The following NCOR1 variants were observed in gnomAD, a reference collection of about 807,000 sequenced individuals.
NCOR1 encodes the protein nuclear receptor corepressor 1, also known as protein phosphatase 1, regulatory subunit 109.
NCOR1 carries 63 observed loss-of-function variants against 288.1 expected under a neutral mutation model. That is an observed-to-expected ratio of 0.22 (90% confidence interval 0.18 to 0.27). NCOR1 has a LOEUF of 0.27. NCOR1 is among the 10% of genes least tolerant of loss of function. The pLI is 1.00. For missense variants in NCOR1, 2,397 were observed against 3,019.2 expected, an observed-to-expected ratio of 0.79 and a Z score of 4.83; for synonymous variants, 1,007 against 1,065.9, an observed-to-expected ratio of 0.94 and a Z score of 1.08.
rs1321081149 is a variant in NCOR1 at position 16,098,298 on chromosome 17, C to T, written c.2820+69G>A. On this transcript the variant is annotated intron_variant, in intron 21 of 45. Coordinates refer to ENST00000268712, the MANE Select transcript of NCOR1 (RefSeq NM_006311.4). ...TTTTAATCAAGAACCAATTAAAGAACAGAAGAAATATGTCTATAAAGGTCT... is the reference window on the plus strand; with the variant it reads ...TTTTAATCAAGAACCAATTAAAGAATAGAAGAAATATGTCTATAAAGGTCT... 7 of 1,470,704 alleles carry T rather than the reference C, an allele frequency of 4.8e-6. No individual in the cohort carries two copies. In the East Asian group the frequency reaches 1.6e-4, roughly 33 times the overall value. 91.1% of individuals were successfully genotyped at this position (1,470,704 alleles called of 1,614,324 possible).
chr17:16,179,567 T>C (rs537896708), intron 3 of NCOR1, among the ~76,000 whole-genome samples: 1 of 152,264 alleles, frequency 6.6e-6, no homozygotes, highest in East Asian at 1.9e-4. Context: ...CAACTCCTCC[T>C]AAACTCTTCC....
In NCOR1 at chr17:16,203,521, G is replaced by A. The variant is rs796573671; in HGVS notation, c.-70-8882C>T. On this transcript the variant is annotated intron_variant, in intron 1 of 45. Transcript: ENST00000268712. ...ATCTCAGAAGAGTCTTTCTAACCAC[G>A]CTACATATAAGGTAAGCTCCCACAA... is the stretch of plus-strand genomic sequence containing the variant. Among the ~76,000 whole-genome samples, 6 of 152,164 alleles carry A rather than the reference G, an allele frequency of 3.9e-5. No homozygotes were observed. In the South Asian group the frequency reaches 6.2e-4, roughly 16 times the overall value.
intron 9 of NCOR1, 55 bp from the exon 10 acceptor site, chr17:16,146,603 A>G: frequency 7.0e-7 from 1 of 1,426,768 alleles, no homozygotes; most frequent in Non-Finnish European, 9.4e-7. Context: ...TGATTCTGAC[A>G]AACCTAATAC....
chr17:16,049,970 AG>A (rs1205327978), intron 40 of NCOR1, among the ~76,000 whole-genome samples: 1 of 152,182 alleles, frequency 6.6e-6, no homozygotes, highest in Non-Finnish European at 1.5e-5. Context: ...AGCTCACTGC[AG>A]CCTCAAACTC....
intron 18 of NCOR1, among the ~76,000 whole-genome samples, chr17:16,113,574 C>A (rs1422891098): frequency 1.3e-5 from 2 of 152,020 alleles, no homozygotes; most frequent in African/African-American, 4.8e-5. Flanking sequence ...TATACCATAT[C>A]AAGGAACCCT....
At chr17:16,073,309 TAATATA>T (rs2061985843) in intron 28 of NCOR1, 114 bp downstream of exon 28, 2 of 901,858 alleles carry the variant, frequency 2.2e-6, no homozygotes, top group Non-Finnish European at 3.2e-6. Context: ...GCATACAACT[TAATATA>T]AATATACATT....
Position 16,075,515 on chromosome 17 carries a change from GCATACATACAATACTTACT to G in NCOR1, c.3670_3670+18del. 1 of 1,610,808 alleles carries G rather than the reference GCATACATACAATACTTACT, an allele frequency of 6.2e-7. No individual in the cohort carries two copies. The highest frequency in any genetic ancestry group is 8.5e-7 in the Non-Finnish European group (1 of 1,177,546). On this transcript the variant is annotated splice_donor_variant and splice_donor_5th_base_variant and coding_sequence_variant and intron_variant, in exon 27 of 46. Transcript: ENST00000268712. LOFTEE classifies it high-confidence loss of function. Reference sequence around the variant, plus strand: ...CACATATTGTAATACTGGCTTTGGTGCATACATACAATACTTACTATCATATGACAAGATATGTCCACTT... The same window carrying G: ...CACATATTGTAATACTGGCTTTGGTGATCATATGACAAGATATGTCCACTT...
intron 22 of NCOR1, among the ~76,000 whole-genome samples, chr17:16,086,996 A>G (rs962923433): frequency 6.6e-6 from 1 of 152,220 alleles, no homozygotes; most frequent in Non-Finnish European, 1.5e-5. Flanking sequence ...CAAATTTCCC[A>G]GTGGCCCAGT....
intron 35 of NCOR1, among the ~76,000 whole-genome samples, chr17:16,063,832 C>G (rs2060810134): frequency 1.3e-5 from 2 of 152,206 alleles, no homozygotes; most frequent in South Asian, 4.1e-4. Context: ...CTGCAGTCCA[C>G]TGTTTGCACC....
intron 42 of NCOR1, chr17:16,045,082 G>C: frequency 6.0e-6 from 2 of 335,332 alleles, no homozygotes; most frequent in South Asian, 6.2e-5. Flanking sequence ...TGATAAGACT[G>C]GGGGGATAGT....
At chr17:16,177,736 C>T (rs1172803530) in intron 3 of NCOR1, among the ~76,000 whole-genome samples, 2 of 152,186 alleles carry the variant, frequency 1.3e-5, no homozygotes, top group Non-Finnish European at 2.9e-5. Flanking sequence ...CAGAATGGCA[C>T]ATCCCAACTG....
intron 5 of NCOR1, 111 bp downstream of exon 5, chr17:16,164,868 T>C (rs1422234267): frequency 1.4e-6 from 1 of 734,036 alleles, no homozygotes; most frequent in Non-Finnish European, 2.1e-6. Flanking sequence ...AGTCCGAATA[T>C]ATAAGGCATG....
At chr17:16,149,540 C>T in intron 8 of NCOR1, 23 bp from the exon 9 acceptor site, 1 of 1,270,720 alleles carries the variant, frequency 7.9e-7, no homozygotes, top group Non-Finnish European at 1.1e-6. Flanking sequence ...AATATGGTTG[C>T]ATGACATTAA....
At chr17:16,032,799 G>C (rs1260189990) in intron 45 of NCOR1, among the ~76,000 whole-genome samples, 4 of 152,246 alleles carry the variant, frequency 2.6e-5, no homozygotes, top group South Asian at 4.1e-4. Flanking sequence ...GAGAATCACA[G>C]AGTCAGGTTA....
At chr17:16,148,663 CAAAAAA>C (rs397857284) in intron 9 of NCOR1, among the ~76,000 whole-genome samples, 31 of 48,342 alleles carry the variant, frequency 6.4e-4, no homozygotes, top group Admixed American at 1.1e-3. Context: ...ATGTTCTTGG[CAAAAAA>C]AAAAAAAAAA....
chr17:16,031,699 C>G lies in NCOR1; in HGVS notation c.*597G>C, dbSNP rs1452987296. 8.8e-6 allele frequency: 2 copies of G among 228,038 alleles called. No individual in the cohort carries two copies. Among genetic ancestry groups the G allele is most frequent in the Non-Finnish European group, 1.7e-5 (2 of 114,942 alleles). The allele number at this position is 228,038 out of a possible 1,614,324, so 14.1% of individuals were successfully genotyped here. A position where few individuals can be genotyped will look rare whatever the true frequency, so the allele number is the denominator to read the frequency against. ...TAATGTACAGATTTTATGACAGGGT[C>G]TGTGTTAAAAATCTAAACATTTTCA... On this transcript the variant is annotated 3_prime_UTR_variant, in exon 46 of 46. Transcript: ENST00000268712.
intron 4 of NCOR1, among the ~76,000 whole-genome samples, chr17:16,169,207 AC>A (rs140272515): frequency 1.3e-5 from 2 of 152,274 alleles, no homozygotes; most frequent in African/African-American, 4.8e-5. Flanking sequence ...AAATATTCAT[AC>A]GGGCTGACTC....
At chr17:16,207,260 A>G (rs566575977) in intron 1 of NCOR1, among the ~76,000 whole-genome samples, 1 of 152,346 alleles carries the variant, frequency 6.6e-6, no homozygotes, top group East Asian at 1.9e-4. Context: ...TCAAAATTAC[A>G]TAAATCTCTA....
At position 16,147,270 on chromosome 17, in the gene NCOR1, G is replaced by A. The variant is rs147894815; in HGVS notation, c.910-722C>T. Among the ~76,000 whole-genome samples, 334 of 152,152 alleles carry A rather than the reference G, an allele frequency of 2.2e-3. 5 individuals carry two copies. Among genetic ancestry groups the A allele is most frequent in the Admixed American group, 0.015 (227 of 15,290 alleles). ...TTAAAAATACAAAAATTAGCCAGGC[G>A]TGGTGGTGGGCACCTGTAGTCCCAG... On this transcript the variant is annotated intron_variant, in intron 9 of 45. Coordinates refer to ENST00000268712, the MANE Select transcript of NCOR1 (RefSeq NM_006311.4).
Sources: gnomAD v4.1 joint callset for allele counts (sites outside exome capture counted in the v4.1 genomes callset) on GRCh38, gnomAD v4.1.1 for gene constraint, MANE v1.5 for transcripts, NCBI Gene and HGNC (gene_info 2026-07-23, HGNC 2026-07-21) for gene names.